CSMD1: variants seen among roughly 807,000 people sequenced by gnomAD.
CSMD1 encodes CUB and sushi domain-containing protein 1.
Under a neutral mutation model 417.5 loss-of-function variants are expected in CSMD1, and 213 were observed. That is an observed-to-expected ratio of 0.51 (90% CI 0.46 to 0.57). CSMD1 has a LOEUF of 0.57. Among genes scored for constraint, CSMD1 ranks in the 20% least tolerant of loss-of-function variants. CSMD1 has a pLI of 0.00. For missense variants in CSMD1, 6,923 were observed against 4,529.7 expected, an observed-to-expected ratio of 1.53 and a Z score of -15.17; for synonymous variants, 2,862 against 1,736.8, an observed-to-expected ratio of 1.65 and a Z score of -16.11.
At chr8:4,272,809 C>G (rs191603053) in intron 3 of CSMD1, among the ~76,000 whole-genome samples, 131 of 152,280 alleles carry the variant, frequency 8.6e-4, no homozygotes, top group African/African-American at 3.0e-3. Flanking sequence ...TAACTCACCA[C>G]TATATACCTT....
chr8:4,229,953 G>T (rs943441284), intron 3 of CSMD1, among the ~76,000 whole-genome samples: 1 of 152,142 alleles, frequency 6.6e-6, no homozygotes, highest in Non-Finnish European at 1.5e-5. Flanking sequence ...AATATCAAGA[G>T]ACTTTTACGT....
intron 12 of CSMD1, among the ~76,000 whole-genome samples, chr8:3,424,973 A>T (rs1283161571): frequency 1.3e-5 from 2 of 152,100 alleles, no homozygotes; most frequent in African/African-American, 4.8e-5. Context: ...TGGCTGGGAC[A>T]ACAGGTACAT....
At chr8:3,652,398 G>T (rs13438966) in intron 7 of CSMD1, among the ~76,000 whole-genome samples, 11 of 152,120 alleles carry the variant, frequency 7.2e-5, no homozygotes, top group Non-Finnish European at 1.3e-4. Flanking sequence ...TCACAAATAC[G>T]TTGACTTGTT....
intron 3 of CSMD1, among the ~76,000 whole-genome samples, chr8:4,210,043 A>T (rs961273249): frequency 3.3e-5 from 5 of 152,138 alleles, no homozygotes; most frequent in African/African-American, 1.2e-4. Context: ...TCCAGTGTCT[A>T]AGCCCTGCTT....
At chr8:3,687,851 C>G (rs1800027324) in intron 7 of CSMD1, among the ~76,000 whole-genome samples, 1 of 152,358 alleles carries the variant, frequency 6.6e-6, no homozygotes, top group South Asian at 2.1e-4. Context: ...CACTCTTGGT[C>G]TCCACTCAGT....
At chr8:3,532,281 C>T (rs904334215) in intron 10 of CSMD1, among the ~76,000 whole-genome samples, 1 of 152,180 alleles carries the variant, frequency 6.6e-6, no homozygotes, top group African/African-American at 2.4e-5. Context: ...TCACATGATT[C>T]TGCATGGTGT....
chr8:3,450,715 T>G (rs1317252907), intron 12 of CSMD1, among the ~76,000 whole-genome samples: 1 of 152,112 alleles, frequency 6.6e-6, no homozygotes, highest in Non-Finnish European at 1.5e-5. Context: ...AGTCTATCAT[T>G]GTTGGACATT....
At chr8:4,592,741 A>G (rs1800055618) in intron 2 of CSMD1, among the ~76,000 whole-genome samples, 1 of 152,100 alleles carries the variant, frequency 6.6e-6, no homozygotes, top group Admixed American at 6.6e-5. Flanking sequence ...TGTGTGCTAA[A>G]TTTTTATCTA....
intron 49 of CSMD1, among the ~76,000 whole-genome samples, chr8:3,081,436 G>C (rs1447534289): frequency 6.6e-6 from 1 of 152,098 alleles, no homozygotes; most frequent in African/African-American, 2.4e-5. Flanking sequence ...ATGCCACAAA[G>C]AGATATTTGC....
chr8:3,857,960 C>A (rs143938581), intron 5 of CSMD1, among the ~76,000 whole-genome samples: 2 of 152,346 alleles, frequency 1.3e-5, no homozygotes, highest in East Asian at 3.9e-4. Context: ...TGCATGGTGA[C>A]TTCTCTGTAT....
chr8:3,312,883 T>C (rs1471338203), intron 23 of CSMD1, among the ~76,000 whole-genome samples: 2 of 152,212 alleles, frequency 1.3e-5, no homozygotes, highest in African/African-American at 4.8e-5. Flanking sequence ...GGATACAGCC[T>C]AGCCTGCTGT....
At chr8:4,822,798 A>G (rs1799594444) in intron 1 of CSMD1, among the ~76,000 whole-genome samples, 1 of 151,964 alleles carries the variant, frequency 6.6e-6, no homozygotes, top group African/African-American at 2.4e-5. Flanking sequence ...TTTTTAGAAA[A>G]TATTTCTTGG....
intron 3 of CSMD1, among the ~76,000 whole-genome samples, chr8:4,324,027 G>A (rs111963060): frequency 1.2e-4 from 18 of 152,286 alleles, no homozygotes; most frequent in African/African-American, 4.1e-4. Context: ...CACACCCTTA[G>A]CAGGCCAGTT....
chr8:2,982,218 T>C (rs1805485379), intron 54 of CSMD1, among the ~76,000 whole-genome samples: 1 of 151,980 alleles, frequency 6.6e-6, no homozygotes, highest in Admixed American at 6.6e-5. Context: ...TAGCCAGGCA[T>C]GGTGGCAGGG....
chr8:3,223,787 C>T lies in CSMD1; in HGVS notation c.4426G>A (p.Glu1476Lys). 1 of 1,613,922 alleles carries T rather than the reference C, an allele frequency of 6.2e-7. No individual in the cohort carries two copies. Among genetic ancestry groups the T allele is most frequent in the Non-Finnish European group, 8.5e-7 (1 of 1,179,844 alleles). The change falls in exon 28 of 70, where the codon GAA becomes AAA. Residue 1476 changes from glutamate (E) to lysine (K), a missense_variant. Coordinates refer to ENST00000635120, the MANE Select transcript of CSMD1 (RefSeq NM_033225.6). ...NYPQPYPPGK[E>K]CDWRVKVNPD... is the part of the protein sequence containing the mutation. The stretch of plus-strand genomic sequence containing the variant: ...TTCACTTTTACTCTCCAGTCACATT[C>T]CTTCCCAGGAGGATACGGCTGTGGG...
At chr8:4,129,223 C>G (rs1355149306) in intron 3 of CSMD1, among the ~76,000 whole-genome samples, 1 of 152,136 alleles carries the variant, frequency 6.6e-6, no homozygotes, top group African/African-American at 2.4e-5. Flanking sequence ...CAGCAGATTC[C>G]TATCAATTTC....
chr8:3,046,492 C>T (rs193021737), intron 50 of CSMD1, among the ~76,000 whole-genome samples: 18 of 152,192 alleles, frequency 1.2e-4, no homozygotes, highest in East Asian at 1.9e-4. Context: ...GCTAACAGTG[C>T]GCTCAAATCA....
intron 1 of CSMD1, among the ~76,000 whole-genome samples, chr8:4,956,874 A>C (rs987044167): frequency 2.0e-5 from 3 of 152,120 alleles, no homozygotes; most frequent in Non-Finnish European, 1.5e-5. Flanking sequence ...TGTTCCCTCC[A>C]CACCAAGCGG....
At chr8:4,449,529 T>C (rs1336515177) in intron 2 of CSMD1, among the ~76,000 whole-genome samples, 1 of 152,238 alleles carries the variant, frequency 6.6e-6, no homozygotes, top group African/African-American at 2.4e-5. Flanking sequence ...AGGCTGTGTC[T>C]GTGAGTCACA....
Sources: gnomAD v4.1 joint callset for allele counts (sites outside exome capture counted in the v4.1 genomes callset) on GRCh38, gnomAD v4.1.1 for gene constraint, MANE v1.5 for transcripts, NCBI Gene and HGNC (gene_info 2026-07-23, HGNC 2026-07-21) for gene names.